SLC22A2: variants seen among roughly 807,000 people sequenced by gnomAD.
SLC22A2 encodes the protein solute carrier family 22 member 2.
Under a neutral mutation model 60.5 loss-of-function variants are expected in SLC22A2, and 46 were observed. That is an observed-to-expected ratio of 0.76 (90% CI 0.60 to 0.97). The LOEUF (loss-of-function observed/expected upper bound fraction) is 0.97, where lower values mean the gene tolerates loss of function less well. Ranked by LOEUF, SLC22A2 falls within the 50% of genes least tolerant of loss-of-function variation. The probability of loss-of-function intolerance (pLI) is 0.00; values close to 1 mark genes in which losing one functional copy is unlikely to be tolerated. For synonymous variants in SLC22A2, 303 were observed against 267.0 expected, an observed-to-expected ratio of 1.13 and a Z score of -1.31; for missense variants, 701 against 706.6, an observed-to-expected ratio of 0.99 and a Z score of 0.09.
At chr6:160,224,047 T>C (rs1300731100) in intron 10 of SLC22A2, among the ~76,000 whole-genome samples, 1 of 152,156 alleles carries the variant, frequency 6.6e-6, no homozygotes, top group East Asian at 1.9e-4. Context: ...GTAATTTTTA[T>C]ACTACTATTG....
intron 9 of SLC22A2, among the ~76,000 whole-genome samples, chr6:160,232,663 C>T (rs751648011): frequency 3.4e-4 from 51 of 151,850 alleles, no homozygotes; most frequent in African/African-American, 1.0e-3. Flanking sequence ...CAGATCCCAT[C>T]GCTCAGGACA....
At chr6:160,221,040 A>G (rs1281517320) in intron 10 of SLC22A2, among the ~76,000 whole-genome samples, 1 of 152,176 alleles carries the variant, frequency 6.6e-6, no homozygotes, top group African/African-American at 2.4e-5. Context: ...GAAACCAGAC[A>G]TTGATTTTTT....
intron 10 of SLC22A2, chr6:160,217,970 T>A (rs1024265628): frequency 6.2e-6 from 1 of 160,234 alleles, no homozygotes; most frequent in African/African-American, 2.4e-5. Context: ...CATCTTGTCT[T>A]CGTGAATGCC....
intron 10 of SLC22A2, among the ~76,000 whole-genome samples, chr6:160,220,905 CA>C (rs1276496495): frequency 1.3e-5 from 2 of 152,160 alleles, no homozygotes; most frequent in Admixed American, 6.5e-5. Flanking sequence ...TGAGCACAAG[CA>C]GAGTAGATTT....
intron 9 of SLC22A2, among the ~76,000 whole-genome samples, chr6:160,231,070 C>T (rs530199010): frequency 2.0e-4 from 31 of 151,970 alleles, no homozygotes; most frequent in Admixed American, 9.2e-4. Flanking sequence ...TTAATCAATA[C>T]GGAGGCTACC....
chr6:160,236,079 C>T (rs1782906117), intron 9 of SLC22A2, among the ~76,000 whole-genome samples: 1 of 152,048 alleles, frequency 6.6e-6, no homozygotes, highest in Admixed American at 6.5e-5. Context: ...TGTGGCTGCC[C>T]TAAGACTTTA....
Position 160,241,566 on chromosome 6 carries a change from C to A in SLC22A2, c.1409G>T (p.Cys470Phe). ...GCCACCAATGTCACACATTGAGGAA[C>A]AGATGTGGACGCCAAGATTCCTAGA... is the stretch of plus-strand genomic sequence containing the variant. The part of the protein sequence containing the change: ...TFIRNLGVHI[C>F]SSMCDIGGII... The change falls in exon 9 of 11, where the codon TGT (cysteine) becomes TTT (phenylalanine). Residue 470 changes from cysteine (C) to phenylalanine (F), a missense_variant. By Grantham distance (205) the Cys-to-Phe change is radical. Coordinates refer to ENST00000366953, the MANE Select transcript of SLC22A2 (RefSeq NM_003058.4). The A allele has an allele frequency of 1.2e-6, 2 of 1,612,826 alleles. No individual in the cohort carries two copies. Among genetic ancestry groups the A allele is most frequent in the Non-Finnish European group, 1.7e-6 (2 of 1,178,876 alleles).
rs1247971352 is a variant in SLC22A2 at position 160,224,804 on chromosome 6, C to T, written c.1502G>A (p.Gly501Asp). The T allele has an allele frequency of 6.4e-6, 10 of 1,557,196 alleles. No individual in the cohort carries two copies. Among genetic ancestry groups the T allele is most frequent in the Non-Finnish European group, 7.9e-6 (9 of 1,142,166 alleles). Reference sequence around the variant, plus strand: ...ACCTCCAGCAACCAAGCCAAGCACGCCTGAAAGCCAAACAGATGAATATCA... The same window carrying T: ...ACCTCCAGCAACCAAGCCAAGCACGTCTGAAAGCCAAACAGATGAATATCA... ...IWLELPLMVF[G>D]VLGLVAGGLV... Residue 501 changes from glycine to aspartate, a missense_variant and splice_region_variant, in exon 10 of 11, where the codon GGC becomes GAC. Coordinates refer to ENST00000366953, the MANE Select transcript of SLC22A2 (RefSeq NM_003058.4).
intron 9 of SLC22A2, among the ~76,000 whole-genome samples, chr6:160,228,701 C>A (rs186888267): frequency 1.3e-5 from 2 of 152,086 alleles, no homozygotes; most frequent in Non-Finnish European, 2.9e-5. Context: ...GTGGCCTGCA[C>A]GTATATATCC....
Position 160,258,779 on chromosome 6 carries a change from C to G in SLC22A2, c.-22G>C. 1 of 1,518,938 alleles carries G rather than the reference C, an allele frequency of 6.6e-7. No homozygotes were observed. The highest frequency in any genetic ancestry group is 8.8e-7 in the Non-Finnish European group (1 of 1,133,632). 94.1% of individuals were successfully genotyped at this position (1,518,938 alleles called of 1,614,324 possible). ...GCATGATCCTGCAGGCAGGAGGGCCCGAGGCTGCCCGACGTGCCCGGAGCG... is the reference window on the plus strand; with the variant it reads ...GCATGATCCTGCAGGCAGGAGGGCCGGAGGCTGCCCGACGTGCCCGGAGCG... On this transcript the variant is annotated 5_prime_UTR_variant, in exon 1 of 11. Coordinates refer to ENST00000366953, the MANE Select transcript of SLC22A2 (RefSeq NM_003058.4).
chr6:160,235,811 G>C (rs1312587124), intron 9 of SLC22A2, among the ~76,000 whole-genome samples: 2 of 151,998 alleles, frequency 1.3e-5, no homozygotes, highest in Non-Finnish European at 2.9e-5. Flanking sequence ...AACATTAATA[G>C]TACACTAATG....
intron 9 of SLC22A2, among the ~76,000 whole-genome samples, chr6:160,236,809 C>A: frequency 6.7e-6 from 1 of 149,118 alleles, no homozygotes; most frequent in East Asian, 2.0e-4. Context: ...AGAGGAGAGG[C>A]ATTTACTCAA....
Position 160,233,165 on chromosome 6 carries a change from G to A in SLC22A2, c.1501+8309C>T, listed in dbSNP as rs527242559. On this transcript the variant is annotated intron_variant, in intron 9 of 10. Coordinates refer to ENST00000366953, the MANE Select transcript of SLC22A2 (RefSeq NM_003058.4). ...ACTGGCAAATTGACTTTACTCACATGCCCCGAGTCAGGAAACTAAAATACC... is the reference window on the plus strand; with the variant it reads ...ACTGGCAAATTGACTTTACTCACATACCCCGAGTCAGGAAACTAAAATACC... Among the ~76,000 whole-genome samples, 18 of 152,100 alleles carry A rather than the reference G, an allele frequency of 1.2e-4. No homozygotes were observed. In the East Asian group the frequency reaches 3.5e-3, roughly 29 times the overall value.
At chr6:160,255,479 A>G (rs1035363716) in intron 2 of SLC22A2, among the ~76,000 whole-genome samples, 1 of 152,168 alleles carries the variant, frequency 6.6e-6, no homozygotes, top group African/African-American at 2.4e-5. Flanking sequence ...TATATCATAG[A>G]TGTAGTTGGG....
chr6:160,248,777 T>C (rs1166712903), intron 4 of SLC22A2, among the ~76,000 whole-genome samples: 1 of 152,156 alleles, frequency 6.6e-6, no homozygotes, highest in Non-Finnish European at 1.5e-5. Context: ...ATACTGTGAT[T>C]CACTGGGGAT....
At chr6:160,234,017 A>G (rs975872584) in intron 9 of SLC22A2, among the ~76,000 whole-genome samples, 1 of 152,198 alleles carries the variant, frequency 6.6e-6, no homozygotes, top group Non-Finnish European at 1.5e-5. Flanking sequence ...AGAATCACAA[A>G]AGAATTGAAA....
intron 9 of SLC22A2, among the ~76,000 whole-genome samples, chr6:160,240,822 G>T (rs1252203553): frequency 6.6e-6 from 1 of 152,124 alleles, no homozygotes; most frequent in Admixed American, 6.5e-5. Context: ...CCTGAAATGG[G>T]TGCATTGAGG....
At chr6:160,230,989 A>C (rs1339942705) in intron 9 of SLC22A2, among the ~76,000 whole-genome samples, 1 of 151,904 alleles carries the variant, frequency 6.6e-6, no homozygotes, top group Non-Finnish European at 1.5e-5. Flanking sequence ...ATCACCTCGG[A>C]AGCCCCCTGG....
intron 9 of SLC22A2, among the ~76,000 whole-genome samples, chr6:160,225,141 T>G (rs316004): frequency 0.73 from 110,303 of 152,050 alleles, 41,073 homozygotes; most frequent in Admixed American, 0.82. Flanking sequence ...CTGTAACCCT[T>G]CCAGTTTAAA....
Sources: allele counts gnomAD v4.1 joint callset (sites outside exome capture counted in the v4.1 genomes callset), GRCh38; gene constraint gnomAD v4.1.1; transcripts MANE v1.5; gene names NCBI Gene and HGNC (gene_info 2026-07-23, HGNC 2026-07-21).